Variants in AGAP1 observed in about 807,000 individuals in gnomAD.
The protein encoded by AGAP1 is arf-GAP with GTPase, ANK repeat and PH domain-containing protein 1.
AGAP1 carries 29 observed loss-of-function variants against 105.3 expected under a neutral mutation model. The observed-to-expected ratio is 0.28, with a 90% CI of 0.21 to 0.38. The LOEUF is 0.38. Among genes scored for constraint, AGAP1 ranks in the 10% least tolerant of loss-of-function variants. AGAP1 has a pLI of 1.00. For synonymous variants in AGAP1, 509 were observed against 485.9 expected, an observed-to-expected ratio of 1.05 and a Z score of -0.63; for missense variants, 998 against 1,165.1, an observed-to-expected ratio of 0.86 and a Z score of 2.09.
chr2:235,498,547 C>T (rs751213722), intron 1 of AGAP1, among the ~76,000 whole-genome samples: 1 of 152,204 alleles, frequency 6.6e-6, no homozygotes, highest in Non-Finnish European at 1.5e-5. Flanking sequence ...TAGAAAAGTC[C>T]ATCGGGGGTT....
intron 9 of AGAP1, among the ~76,000 whole-genome samples, chr2:235,881,904 A>G (rs74739096): frequency 0.028 from 4,231 of 152,348 alleles, 133 homozygotes; most frequent in South Asian, 0.091. Flanking sequence ...GGATTCATCT[A>G]TTAAATACTG....
chr2:235,675,229 G>A (rs1037506876), intron 1 of AGAP1, among the ~76,000 whole-genome samples: 29 of 137,918 alleles, frequency 2.1e-4, no homozygotes, highest in Middle Eastern at 4.7e-3. Flanking sequence ...TCGCTCTGTC[G>A]CCCAGGCTGG....
intron 1 of AGAP1, among the ~76,000 whole-genome samples, chr2:235,532,148 G>T (rs1376982069): frequency 6.6e-6 from 1 of 152,208 alleles, no homozygotes; most frequent in Non-Finnish European, 1.5e-5. Flanking sequence ...GAAAACAGTT[G>T]CCTATAATTC....
intron 9 of AGAP1, among the ~76,000 whole-genome samples, chr2:235,810,357 GC>G (rs1958068422): frequency 6.6e-6 from 1 of 152,170 alleles, no homozygotes; most frequent in South Asian, 2.1e-4. Context: ...ACTCGGGTCT[GC>G]ATGATCGAAG....
At chr2:235,674,403 C>G (rs932452930) in intron 1 of AGAP1, among the ~76,000 whole-genome samples, 3 of 152,238 alleles carry the variant, frequency 2.0e-5, no homozygotes, top group Non-Finnish European at 2.9e-5. Flanking sequence ...AGCGCATGCT[C>G]TCTGCATCCC....
intron 1 of AGAP1, among the ~76,000 whole-genome samples, chr2:235,624,871 A>G (rs529072388): frequency 6.6e-6 from 1 of 152,152 alleles, no homozygotes; most frequent in African/African-American, 2.4e-5. Context: ...TGCAAATTCA[A>G]TTTAAAGGAG....
At position 235,642,365 on chromosome 2, in the gene AGAP1, T is replaced by G. The variant is rs954346479; in HGVS notation, c.164-66814T>G. Among the ~76,000 whole-genome samples, 8 of 152,206 alleles carry G rather than the reference T, an allele frequency of 5.3e-5. No individual in the cohort carries two copies. Among genetic ancestry groups the G allele is most frequent in the African/African-American group, 1.9e-4 (8 of 41,442 alleles). On this transcript the variant is annotated intron_variant, in intron 1 of 17. Coordinates refer to ENST00000304032, the MANE Select transcript of AGAP1 (RefSeq NM_001037131.3). This position sits in a 1 kb window ranked among gnomAD's most constrained non-coding sequence, Gnocchi z 4.1. Reference sequence around the variant, plus strand: ...TGGGGCTGCACCCACTGGCATTGATTAGAAGAGAGCTTGTGACTGAGGAAA... The same window carrying G: ...TGGGGCTGCACCCACTGGCATTGATGAGAAGAGAGCTTGTGACTGAGGAAA...
At chr2:235,726,786 TA>T (rs1951669537) in intron 3 of AGAP1, among the ~76,000 whole-genome samples, 1 of 151,838 alleles carries the variant, frequency 6.6e-6, no homozygotes, top group Non-Finnish European at 1.5e-5. Context: ...TTAGGTTAGC[TA>T]AAATAGAAAG....
rs756480215 is a variant in AGAP1 at position 235,965,044 on chromosome 2, G to T, written c.1484-3418G>T. 6.6e-6 allele frequency among the ~76,000 whole-genome samples: 1 copy of T among 152,214 alleles called. No individual in the cohort carries two copies. The highest frequency in any genetic ancestry group is 1.5e-5 in the Non-Finnish European group (1 of 68,038). ...AACTGTCATAGTGCAGGCTCAGGGG[G>T]TCTCAGGACTGCTGGCTACACCTCG... On this transcript the variant is annotated intron_variant, in intron 12 of 17. Transcript: ENST00000304032. The surrounding 1 kb of genome is among the most constrained non-coding windows in gnomAD (Gnocchi z 5.8).
At chr2:235,617,857 C>G (rs1230170517) in intron 1 of AGAP1, among the ~76,000 whole-genome samples, 1 of 152,082 alleles carries the variant, frequency 6.6e-6, no homozygotes, top group Non-Finnish European at 1.5e-5. Context: ...TAAGTGGATG[C>G]AGTGCATAGT....
intron 16 of AGAP1, among the ~76,000 whole-genome samples, chr2:236,091,088 A>G (rs564055513): frequency 5.9e-5 from 9 of 152,196 alleles, no homozygotes; most frequent in Admixed American, 1.3e-4. Context: ...CGCTGCCTGC[A>G]TGCCCTGTCC....
chr2:235,858,983 T>C (rs1381621005), intron 9 of AGAP1, among the ~76,000 whole-genome samples: 7 of 152,220 alleles, frequency 4.6e-5, no homozygotes, highest in Non-Finnish European at 1.0e-4. Context: ...AATTAATAAA[T>C]TGTCTTCTAA....
In AGAP1 at chr2:236,119,476, T is replaced by G. The variant is rs1172428089; in HGVS notation, c.2115-716T>G. ...CATGTTTTCCTCAGCTGAAAGGGTT[T>G]GGAGACCCTGGGGAGTCCACACACA... On this transcript the variant is annotated intron_variant, in intron 16 of 17. Coordinates refer to ENST00000304032, the MANE Select transcript of AGAP1 (RefSeq NM_001037131.3). The surrounding 1 kb of genome is among the most constrained non-coding windows in gnomAD (Gnocchi z 6.6). 6.6e-6 allele frequency among the ~76,000 whole-genome samples: 1 copy of G among 152,174 alleles called. No homozygotes were observed. Among genetic ancestry groups the G allele is most frequent in the African/African-American group, 2.4e-5 (1 of 41,450 alleles).
At chr2:235,978,124 C>T (rs1168467066) in intron 13 of AGAP1, among the ~76,000 whole-genome samples, 2 of 152,292 alleles carry the variant, frequency 1.3e-5, no homozygotes, top group Admixed American at 6.5e-5. Context: ...CCTCATCTAA[C>T]CCTCATCACC....
At position 235,650,833 on chromosome 2, in the gene AGAP1, T is replaced by A. The variant is rs538295894; in HGVS notation, c.164-58346T>A. Among the ~76,000 whole-genome samples the A allele has an allele frequency of 5.3e-5, 8 of 152,244 alleles. No individual in the cohort carries two copies. In the South Asian group the frequency reaches 1.7e-3, roughly 32 times the overall value. On this transcript the variant is annotated intron_variant, in intron 1 of 17. Transcript: ENST00000304032. ...AGAGCTAGTATGTGCTCTGAAGACC[T>A]GGGTCTGGCAGAGCAGCCTCTGACA... is the stretch of plus-strand genomic sequence containing the variant.
At chr2:235,722,944 A>G (rs1227647515) in intron 3 of AGAP1, among the ~76,000 whole-genome samples, 1 of 152,218 alleles carries the variant, frequency 6.6e-6, no homozygotes, top group Non-Finnish European at 1.5e-5. Context: ...AAGAAAGTTT[A>G]CAAATTAGCG....
Position 235,604,550 on chromosome 2 carries a change from G to A in AGAP1, c.164-104629G>A, listed in dbSNP as rs940120813. ...CAGTTCCTTTAGGTTGCACATTCGT[G>A]TTTCTTTTTTATTTTTATTATCTTT... On this transcript the variant is annotated intron_variant, in intron 1 of 17. Transcript: ENST00000304032. 5.6e-4 allele frequency among the ~76,000 whole-genome samples: 66 copies of A among 117,650 alleles called. No individual in the cohort carries two copies. In the Middle Eastern group the frequency reaches 0.018, roughly 32 times the overall value. 77.2% of individuals were successfully genotyped at this position (117,650 alleles called of 152,430 possible).
intron 9 of AGAP1, chr2:235,853,086 G>A (rs1266310807): frequency 1.6e-6 from 2 of 1,232,206 alleles, no homozygotes; most frequent in African/African-American, 3.1e-5. Context: ...AAATCAATGA[G>A]CGTTTACGCT....
In AGAP1 at chr2:236,038,798, G is replaced by A. The variant is rs150320087; in HGVS notation, c.1801-1953G>A. The stretch of plus-strand genomic sequence containing the variant: ...CAGAAATGATACAGGTACACAGAGA[G>A]ACAGAGGCACATCCCTTTGTATGTG... On this transcript the variant is annotated intron_variant, in intron 14 of 17. Transcript: ENST00000304032. This position sits in a 1 kb window ranked among gnomAD's most constrained non-coding sequence, Gnocchi z 4.5. Among the ~76,000 whole-genome samples the A allele has an allele frequency of 4.1e-5, 6 of 146,458 alleles. No homozygotes were observed. In the East Asian group the frequency reaches 1.0e-3, roughly 24 times the overall value.
Sources: allele counts gnomAD v4.1 joint callset (sites outside exome capture counted in the v4.1 genomes callset), GRCh38; gene constraint gnomAD v4.1.1; non-coding constraint Gnocchi (gnomAD v3.1); transcripts MANE v1.5; gene names NCBI Gene and HGNC (gene_info 2026-07-23, HGNC 2026-07-21).